The following DCP1B variants were observed in gnomAD, a reference collection of about 807,000 sequenced individuals.
DCP1B encodes decapping mRNA 1B, also known as mRNA-decapping enzyme 1B.
A neutral mutation model predicts 60.5 loss-of-function variants in DCP1B; 47 were observed. The observed-to-expected ratio is 0.78, with a 90% CI of 0.61 to 0.99. The LOEUF (loss-of-function observed/expected upper bound fraction) is 0.99. Ranked by LOEUF, DCP1B falls within the 50% of genes least tolerant of loss-of-function variation. The pLI, the probability that DCP1B is intolerant of heterozygous loss-of-function variation, is 0.00. For missense variants in DCP1B, 725 were observed against 756.8 expected, an observed-to-expected ratio of 0.96 and a Z score of 0.49; for synonymous variants, 267 against 280.3, an observed-to-expected ratio of 0.95 and a Z score of 0.47.
intron 7 of DCP1B, 21 bp downstream of exon 7, chr12:1,952,395 T>G: frequency 6.5e-7 from 1 of 1,536,712 alleles, no homozygotes. Context: ...CTGTTTTATT[T>G]TGCCCCTGGT....
chr12:1,954,679 A>C (rs1285913399), intron 6 of DCP1B, among the ~76,000 whole-genome samples: 1 of 152,144 alleles, frequency 6.6e-6, no homozygotes, highest in Non-Finnish European at 1.5e-5. Context: ...CAGCTACCCC[A>C]GTCTACAGTG....
chr12:1,953,158 T>TGCG lies in DCP1B; in HGVS notation c.781_782insCGC (p.Gln260_Gln261insPro), dbSNP rs373461041. The TGCG allele has an allele frequency of 9.8e-7, 1 of 1,017,782 alleles. No individual in the cohort carries two copies. The highest frequency in any genetic ancestry group is 1.5e-5 in the South Asian group (1 of 65,548). 63.0% of individuals were successfully genotyped at this position (1,017,782 alleles called of 1,614,324 possible). ...CCCCTGCCTAATTGGAAGCTTCTCT[T>TGCG]GCTGCTGCTGCTGCTGCTGCTGCTG... On this transcript the variant is annotated inframe_insertion, in exon 7 of 9. Transcript: ENST00000280665.
intron 2 of DCP1B, among the ~76,000 whole-genome samples, chr12:1,996,531 A>C (rs557307465): frequency 1.3e-5 from 2 of 148,946 alleles, no homozygotes; most frequent in African/African-American, 5.0e-5. Flanking sequence ...AGGGGTGTCC[A>C]ATCTTTTGGC....
intron 5 of DCP1B, 128 bp from the exon 6 acceptor site, chr12:1,955,688 G>A: frequency 9.1e-7 from 1 of 1,098,542 alleles, no homozygotes; most frequent in Non-Finnish European, 1.2e-6. Context: ...ATGCACAAAG[G>A]AAAATCCCTT....
In DCP1B at chr12:1,952,702, G is replaced by A. The variant is rs1565761282; in HGVS notation, c.1238C>T (p.Pro413Leu). Reference sequence around the variant, plus strand: ...AGCCTGATGTCCTACTGTCTGAGGTGGAAGGGAGCCATTGAAATAGGCCTG... The same window carrying A: ...AGCCTGATGTCCTACTGTCTGAGGTAGAAGGGAGCCATTGAAATAGGCCTG... ...PPQAYFNGSL[P>L]PQTVGHQAHG... The change falls in exon 7 of 9, where the codon CCA becomes CTA. Residue 413 changes from proline (P) to leucine (L), a missense_variant. Transcript: ENST00000280665. 3.1e-6 allele frequency: 5 copies of A among 1,614,048 alleles called. No homozygotes were observed. The highest frequency in any genetic ancestry group is 2.7e-5 in the African/African-American group (2 of 74,890).
At chr12:1,958,537 G>A (rs1291523849) in intron 5 of DCP1B, among the ~76,000 whole-genome samples, 2 of 145,496 alleles carry the variant, frequency 1.4e-5, no homozygotes, top group Non-Finnish European at 1.5e-5. Flanking sequence ...TCTGCGCAAT[G>A]GCTTTTTCTA....
rs766943284 is a variant in DCP1B at position 1,946,170 on chromosome 12, A to G, written c.*36T>C. The G allele has an allele frequency of 3.3e-6, 5 of 1,503,266 alleles. No homozygotes were observed. The highest frequency in any genetic ancestry group is 4.5e-6 in the Non-Finnish European group (5 of 1,113,452). 93.1% of individuals were successfully genotyped at this position (1,503,266 alleles called of 1,614,324 possible). ...AAAGAACCTTGTGCCGGAGTTCTAG[A>G]AGGACCTTGAAAATCAGTTTTAAAA... is the stretch of plus-strand genomic sequence containing the variant. On this transcript the variant is annotated 3_prime_UTR_variant, in exon 9 of 9. Transcript: ENST00000280665.
rs1039269486 is a variant in DCP1B, at chr12:1,971,200, A to G, written c.320-3290T>C. The G allele has an allele frequency of 2.1e-5, 27 of 1,287,348 alleles. No homozygotes were observed. The highest frequency in any genetic ancestry group is 2.7e-5 in the Non-Finnish European group (27 of 986,930). 79.7% of individuals were successfully genotyped at this position (1,287,348 alleles called of 1,614,324 possible). On this transcript the variant is annotated intron_variant, in intron 3 of 8. Coordinates refer to ENST00000280665, the MANE Select transcript of DCP1B (RefSeq NM_152640.5). This position sits in a 1 kb window ranked among gnomAD's most constrained non-coding sequence, Gnocchi z 4.2. ...TCAACTATTTCTACATCTCTCCTGG[A>G]GGTAAGAAACCCTAAAGTGAAATAA...
intron 3 of DCP1B, among the ~76,000 whole-genome samples, chr12:1,988,795 G>A (rs1433152815): frequency 1.3e-5 from 2 of 151,952 alleles, no homozygotes; most frequent in African/African-American, 4.8e-5. Flanking sequence ...TTTCATTCAG[G>A]GTACTATTTC....
rs1030185881 is a variant in DCP1B at position 1,971,247 on chromosome 12, A to G, written c.320-3337T>C. 15 of 1,067,078 alleles carry G rather than the reference A, an allele frequency of 1.4e-5. No individual in the cohort carries two copies. Among genetic ancestry groups the G allele is most frequent in the Non-Finnish European group, 1.9e-5 (15 of 789,306 alleles). 66.1% of individuals were successfully genotyped at this position (1,067,078 alleles called of 1,614,324 possible). A position where few individuals can be genotyped will look rare whatever the true frequency, so the allele number is the denominator to read the frequency against. ...ATAAAGAGTAGGAAGAACATGTTGA[A>G]ATTTACTCTAAATATCCTAATGATA... On this transcript the variant is annotated intron_variant, in intron 3 of 8. Transcript: ENST00000280665. The surrounding 1 kb of genome is among the most constrained non-coding windows in gnomAD (Gnocchi z 4.2).
In DCP1B at chr12:1,953,273, G is replaced by A. The variant is rs2030757458; in HGVS notation, c.667C>T (p.Pro223Ser). 2.5e-6 allele frequency: 4 copies of A among 1,597,036 alleles called. No individual in the cohort carries two copies. The East Asian group carries it at 8.9e-5, about 36-fold the overall frequency. ...AGAGCTGTCAAGGATAAGTGTTGGGGTTCAGGGTCTAAGGTCTGGAAAAAA... is the reference window on the plus strand; with the variant it reads ...AGAGCTGTCAAGGATAAGTGTTGGGATTCAGGGTCTAAGGTCTGGAAAAAA... ...PQPNQTLDPE[P>S]QHLSLTALFG... Residue 223 changes from proline to serine, a missense_variant, in exon 7 of 9, where the codon CCC becomes TCC. Transcript: ENST00000280665.
intron 7 of DCP1B, among the ~76,000 whole-genome samples, chr12:1,951,253 C>T (rs536157148): frequency 2.6e-5 from 4 of 151,952 alleles, no homozygotes; most frequent in East Asian, 1.9e-4. Flanking sequence ...CCAGCCTGGG[C>T]GACAAGAGTG....
intron 5 of DCP1B, 123 bp from the exon 6 acceptor site, chr12:1,955,683 CAAAGGAAA>C: frequency 8.8e-7 from 1 of 1,135,082 alleles, no homozygotes. Flanking sequence ...TTTTCATGCA[CAAAGGAAA>C]ATCCCTTAAA....
chr12:1,949,805 G>C (rs2030593873), intron 7 of DCP1B, among the ~76,000 whole-genome samples: 2 of 152,226 alleles, frequency 1.3e-5, no homozygotes, highest in East Asian at 3.9e-4. Flanking sequence ...TTCTCGTGGG[G>C]AGGGAGAGTG....
chr12:1,943,972 A>G (rs998110506), downstream of DCP1B, among the ~76,000 whole-genome samples: 2 of 152,152 alleles, frequency 1.3e-5, no homozygotes, highest in African/African-American at 4.8e-5. Flanking sequence ...ATAATATTCA[A>G]ATAGGAACAG....
rs776465460 is a variant in DCP1B at position 1,955,492 on chromosome 12, G to T, written c.591C>A (p.Ile197=). 6.2e-6 allele frequency: 10 copies of T among 1,613,940 alleles called. No homozygotes were observed. The South Asian group carries it at 1.1e-4, about 18-fold the overall frequency. ...SSAIYDNPNL[I]KPIPVKPSEN... ...CACTGGGTTTCACTGGAATTGGTTTGATGAGATTTGGATTGTCATAGATGG... is the reference window on the plus strand; with the variant it reads ...CACTGGGTTTCACTGGAATTGGTTTTATGAGATTTGGATTGTCATAGATGG... Residue 197 remains isoleucine, a synonymous_variant, in exon 6 of 9, where the codon ATC becomes ATA. Transcript: ENST00000280665.
chr12:1,990,651 T>G (rs150501551), intron 3 of DCP1B, among the ~76,000 whole-genome samples: 1 of 152,092 alleles, frequency 6.6e-6, no homozygotes, highest in East Asian at 1.9e-4. Context: ...CATAAGCCAA[T>G]GTGAAATGCA....
chr12:1,997,410 C>A (rs986770615), intron 2 of DCP1B, among the ~76,000 whole-genome samples: 1 of 152,218 alleles, frequency 6.6e-6, no homozygotes, highest in Non-Finnish European at 1.5e-5. Context: ...ATCCCAGCTA[C>A]TCAGAAGGCT....
intron 1 of DCP1B, among the ~76,000 whole-genome samples, chr12:2,003,080 T>C (rs1236535352): frequency 6.6e-6 from 1 of 152,236 alleles, no homozygotes; most frequent in African/African-American, 2.4e-5. Flanking sequence ...CTAAATTCTT[T>C]GCCCCATTCC....
Sources: allele counts gnomAD v4.1 joint callset (sites outside exome capture counted in the v4.1 genomes callset), GRCh38; gene constraint gnomAD v4.1.1; non-coding constraint Gnocchi (gnomAD v3.1); transcripts MANE v1.5; gene names NCBI Gene and HGNC (gene_info 2026-07-23, HGNC 2026-07-21).